SPECC1L: variants seen among roughly 807,000 people sequenced by gnomAD.
SPECC1L encodes the protein sperm antigen with calponin homology and coiled-coil domains 1 like, also known as cytospin-A.
A neutral mutation model predicts 116.8 loss-of-function variants in SPECC1L; 40 were observed. The observed-to-expected ratio is 0.34, with a 90% CI of 0.27 to 0.45. SPECC1L has a LOEUF of 0.45. Ranked by LOEUF, SPECC1L falls within the 20% of genes least tolerant of loss-of-function variation. The probability of loss-of-function intolerance (pLI) is 1.00; values close to 1 mark genes in which losing one functional copy is unlikely to be tolerated. For synonymous variants in SPECC1L, 504 were observed against 500.6 expected, an observed-to-expected ratio of 1.01 and a Z score of -0.09; for missense variants, 1,110 against 1,373.6, an observed-to-expected ratio of 0.81 and a Z score of 3.03.
Position 24,278,611 on chromosome 22 carries a change from T to C in SPECC1L, c.-38+1808T>C, listed in dbSNP as rs573854442. Reference sequence around the variant, plus strand: ...CACAAAAACTTTTGCATTCTTAGAGTTTATTTTCCAATGGAGGGGGTGGAG... The same window carrying C: ...CACAAAAACTTTTGCATTCTTAGAGCTTATTTTCCAATGGAGGGGGTGGAG... On this transcript the variant is annotated intron_variant, in intron 2 of 16. Transcript: ENST00000314328. Among the ~76,000 whole-genome samples the C allele has an allele frequency of 3.8e-4, 58 of 152,234 alleles. 3 individuals carry two copies. In the South Asian group the frequency reaches 0.012, roughly 30 times the overall value.
chr22:24,316,984 C>T (rs1196582158), intron 4 of SPECC1L, among the ~76,000 whole-genome samples: 25 of 120,592 alleles, frequency 2.1e-4, no homozygotes, highest in South Asian at 2.8e-4. Flanking sequence ...TAGGGGCGGC[C>T]GGGCAGAGGC....
At chr22:24,392,882 G>C (rs2042298633) in intron 14 of SPECC1L, among the ~76,000 whole-genome samples, 1 of 152,214 alleles carries the variant, frequency 6.6e-6, no homozygotes, top group South Asian at 2.1e-4. Context: ...TTACAGGTCT[G>C]GTGGCTGTTG....
intron 2 of SPECC1L, among the ~76,000 whole-genome samples, chr22:24,293,175 G>A (rs1271462182): frequency 6.6e-6 from 1 of 152,188 alleles, no homozygotes; most frequent in South Asian, 2.1e-4. Flanking sequence ...ATTAGGGGAG[G>A]CTGGGCACAG....
chr22:24,277,041 C>T (rs888773557), intron 2 of SPECC1L, among the ~76,000 whole-genome samples: 1 of 152,250 alleles, frequency 6.6e-6, no homozygotes, highest in Non-Finnish European at 1.5e-5. Context: ...GCATTTTCTG[C>T]AAATTCTGTT....
intron 14 of SPECC1L, among the ~76,000 whole-genome samples, chr22:24,371,018 G>A (rs2196263): frequency 0.48 from 73,311 of 151,832 alleles, 17,990 homozygotes; most frequent in Admixed American, 0.58. Flanking sequence ...AATCATATGA[G>A]TATACTTAAT....
intron 4 of SPECC1L, among the ~76,000 whole-genome samples, chr22:24,315,146 C>T (rs2040536149): frequency 2.0e-5 from 3 of 152,154 alleles, no homozygotes; most frequent in African/African-American, 7.2e-5. Flanking sequence ...GCTCTTAGCC[C>T]CTCTTGTGTG....
At chr22:24,337,647 G>A (rs925044566) in intron 9 of SPECC1L, among the ~76,000 whole-genome samples, 3 of 151,960 alleles carry the variant, frequency 2.0e-5, no homozygotes, top group Admixed American at 6.6e-5. Context: ...AAATATATTC[G>A]TGTTTATATT....
chr22:24,366,695 G>A (rs2041773784), intron 13 of SPECC1L, among the ~76,000 whole-genome samples: 1 of 152,136 alleles, frequency 6.6e-6, no homozygotes, highest in Non-Finnish European at 1.5e-5. Context: ...TATCAAAGAT[G>A]GCTGTGTTTG....
chr22:24,324,451 C>G, intron 6 of SPECC1L, 24 bp downstream of exon 6: 6 of 1,586,374 alleles, frequency 3.8e-6, no homozygotes, highest in Non-Finnish European at 5.2e-6. Context: ...ACTTTTCATT[C>G]TTTTTTGTCC....
Position 24,414,694 on chromosome 22 carries a change from A to T in SPECC1L, c.*71A>T, listed in dbSNP as rs2042770241. 2 of 1,326,866 alleles carry T rather than the reference A, an allele frequency of 1.5e-6. No homozygotes were observed. The highest frequency in any genetic ancestry group is 1.4e-5 in the African/African-American group (1 of 69,592). 82.2% of individuals were successfully genotyped at this position (1,326,866 alleles called of 1,614,324 possible). ...GCGACCGAGCGACACCGACGCCATT[A>T]GCTACGCACCCCTGTAAAGCTTCCA... On this transcript the variant is annotated 3_prime_UTR_variant, in exon 17 of 17. Coordinates refer to ENST00000314328, the MANE Select transcript of SPECC1L (RefSeq NM_015330.6).
At chr22:24,405,452 C>T (rs570384106) in intron 14 of SPECC1L, among the ~76,000 whole-genome samples, 3 of 152,070 alleles carry the variant, frequency 2.0e-5, no homozygotes, top group South Asian at 2.1e-4. Flanking sequence ...GGGACTTTCT[C>T]GGTGATTCTG....
chr22:24,335,600 T>C (rs1041859197), intron 9 of SPECC1L, among the ~76,000 whole-genome samples: 2 of 152,244 alleles, frequency 1.3e-5, no homozygotes, highest in African/African-American at 4.8e-5. Context: ...TATCTAGAAA[T>C]TCTTTAAACT....
At position 24,408,240 on chromosome 22, in the gene SPECC1L, G is replaced by A. The variant is rs139298944; in HGVS notation, c.3088-3348G>A. On this transcript the variant is annotated intron_variant, in intron 14 of 16. Coordinates refer to ENST00000314328, the MANE Select transcript of SPECC1L (RefSeq NM_015330.6). ...GAGATGAGATTGCATGCGTGTGCGT[G>A]TGTTCAGGGGTCTTCAGTCAGCAGT... is the stretch of plus-strand genomic sequence containing the variant. Among the ~76,000 whole-genome samples the A allele has an allele frequency of 2.0e-3, 298 of 152,346 alleles. 1 individual carries two copies. The highest frequency in any genetic ancestry group is 7.0e-3 in the African/African-American group (291 of 41,578).
At chr22:24,359,947 C>G (rs1462900305) in intron 11 of SPECC1L, among the ~76,000 whole-genome samples, 1 of 152,130 alleles carries the variant, frequency 6.6e-6, no homozygotes, top group Non-Finnish European at 1.5e-5. Flanking sequence ...CTCGTAATGA[C>G]TTTTTGAATG....
intron 2 of SPECC1L, among the ~76,000 whole-genome samples, chr22:24,281,797 T>A (rs962816408): frequency 6.6e-6 from 1 of 152,240 alleles, no homozygotes; most frequent in Non-Finnish European, 1.5e-5. Flanking sequence ...TTTACTGCAC[T>A]GGCTAGAACT....
At chr22:24,412,843 G>GACCCTCCCTT in intron 16 of SPECC1L, 136 bp downstream of exon 16, 1 of 885,820 alleles carries the variant, frequency 1.1e-6, no homozygotes, top group Non-Finnish European at 1.8e-6. Flanking sequence ...GGTGCTCTGG[G>GACCCTCCCTT]GCCAAGGGAG....
intron 13 of SPECC1L, among the ~76,000 whole-genome samples, chr22:24,367,369 C>T (rs1294541137): frequency 1.3e-5 from 2 of 152,146 alleles, no homozygotes; most frequent in Admixed American, 6.5e-5. Context: ...CAGCCCAGGA[C>T]AGCTTTGAAT....
intron 6 of SPECC1L, 68 bp from the exon 7 acceptor site, chr22:24,328,778 T>C: frequency 7.7e-7 from 1 of 1,290,818 alleles, no homozygotes; most frequent in Non-Finnish European, 1.1e-6. Context: ...TAAGTATCCC[T>C]TTTCTTTGTA....
chr22:24,303,030 A>G (rs923368850), intron 3 of SPECC1L, among the ~76,000 whole-genome samples: 4 of 152,034 alleles, frequency 2.6e-5, no homozygotes, highest in Non-Finnish European at 2.9e-5. Context: ...GATGAGATCT[A>G]TGTTGCCCAG....
Sources: allele counts gnomAD v4.1 joint callset (sites outside exome capture counted in the v4.1 genomes callset), GRCh38; gene constraint gnomAD v4.1.1; transcripts MANE v1.5; gene names NCBI Gene and HGNC (gene_info 2026-07-23, HGNC 2026-07-21).